The following SCHIP1 variants were observed in gnomAD, a reference collection of about 807,000 sequenced individuals.
SCHIP1 encodes schwannomin interacting protein 1.
A neutral mutation model predicts 29.7 loss-of-function variants in SCHIP1; 8 were observed. That is an observed-to-expected ratio of 0.27 (90% CI 0.16 to 0.49). The LOEUF (loss-of-function observed/expected upper bound fraction) is 0.49, where lower values mean the gene tolerates loss of function less well. SCHIP1 is among the 20% of genes least tolerant of loss of function. SCHIP1 has a pLI of 0.99. For missense variants in SCHIP1, 193 were observed against 294.6 expected (o/e 0.66, Z 2.52); for synonymous variants, 76 against 94.9 (o/e 0.80, Z 1.16).
chr3:159,404,871 A>T, the SCHIP1 span, among the ~76,000 whole-genome samples: 1 of 152,188 alleles, frequency 6.6e-6, no homozygotes, highest in Non-Finnish European at 1.5e-5. Flanking sequence ...TACCAAACAC[A>T]GTCCCAGTGG....
the SCHIP1 span, among the ~76,000 whole-genome samples, chr3:159,473,769 G>A: frequency 6.7e-6 from 1 of 149,388 alleles, no homozygotes; most frequent in African/African-American, 2.5e-5. Context: ...GATGGACAAA[G>A]CATCTAGATT....
At chr3:159,493,452 C>T in the SCHIP1 span, among the ~76,000 whole-genome samples, 12 of 152,184 alleles carry the variant, frequency 7.9e-5, no homozygotes, top group Non-Finnish European at 1.8e-4. Flanking sequence ...GGTTGCAATC[C>T]TAGTCTTGGA....
At chr3:159,337,178 G>T in the SCHIP1 span, among the ~76,000 whole-genome samples, 8 of 151,992 alleles carry the variant, frequency 5.3e-5, no homozygotes, top group Non-Finnish European at 4.4e-5. Context: ...AATAAATTAG[G>T]TATTGATGGG....
chr3:159,856,917 C>G (rs571349269), intron 1 of SCHIP1, among the ~76,000 whole-genome samples: 1 of 152,276 alleles, frequency 6.6e-6, no homozygotes, highest in African/African-American at 2.4e-5. Flanking sequence ...CTGCCCTCCC[C>G]ACACAATTAC....
chr3:159,411,471 C>T, the SCHIP1 span, among the ~76,000 whole-genome samples: 2 of 152,196 alleles, frequency 1.3e-5, no homozygotes, highest in South Asian at 2.1e-4. Context: ...GTGATTTCTA[C>T]CTCAACTGCA....
the SCHIP1 span, among the ~76,000 whole-genome samples, chr3:159,711,018 C>T: frequency 1.3e-5 from 2 of 151,970 alleles, no homozygotes; most frequent in Admixed American, 1.3e-4. Context: ...TGTTGTGTCC[C>T]TATAGAGGTG....
At chr3:159,546,418 GTTTTT>G in the SCHIP1 span, among the ~76,000 whole-genome samples, 5 of 151,918 alleles carry the variant, frequency 3.3e-5, no homozygotes, top group African/African-American at 4.8e-5. Flanking sequence ...AGTTTGCTAA[GTTTTT>G]TTTAAGTTCA....
the SCHIP1 span, among the ~76,000 whole-genome samples, chr3:159,606,316 A>G: frequency 3.3e-5 from 5 of 152,180 alleles, no homozygotes; most frequent in Non-Finnish European, 7.3e-5. Context: ...AAGGAGATGT[A>G]TAATAAAAAA....
chr3:159,815,874 C>G, the SCHIP1 span, among the ~76,000 whole-genome samples: 1 of 152,140 alleles, frequency 6.6e-6, no homozygotes, highest in African/African-American at 2.4e-5. Context: ...CAGATGCCAC[C>G]CCCGTTCTGC....
chr3:159,640,780 A>G, the SCHIP1 span, among the ~76,000 whole-genome samples: 468 of 152,246 alleles, frequency 3.1e-3, 4 homozygotes, highest in African/African-American at 0.011. Flanking sequence ...AGGAAAGCCC[A>G]CACTGCATGC....
At chr3:159,886,642 G>A (rs2109438919) in intron 3 of SCHIP1, 1 of 241,328 alleles carries the variant, frequency 4.1e-6, no homozygotes, top group Non-Finnish European at 8.2e-6. Context: ...TATAGTCCCA[G>A]CTACTCAGGA....
the SCHIP1 span, among the ~76,000 whole-genome samples, chr3:159,613,001 A>G: frequency 6.6e-6 from 1 of 152,230 alleles, no homozygotes; most frequent in African/African-American, 2.4e-5. Flanking sequence ...GTCATTGTAA[A>G]TGGAAAGAGA....
chr3:159,288,585 A>T, the SCHIP1 span, among the ~76,000 whole-genome samples: 2 of 152,170 alleles, frequency 1.3e-5, no homozygotes, highest in Non-Finnish European at 2.9e-5. Flanking sequence ...TAAAAATACA[A>T]TATTAGCTGG....
chr3:159,659,318 G>A, the SCHIP1 span, among the ~76,000 whole-genome samples: 2 of 152,250 alleles, frequency 1.3e-5, no homozygotes, highest in Non-Finnish European at 2.9e-5. Flanking sequence ...CAGAGACCAT[G>A]TCTGCTGTGC....
At chr3:159,329,817 C>T in the SCHIP1 span, among the ~76,000 whole-genome samples, 5 of 151,946 alleles carry the variant, frequency 3.3e-5, no homozygotes, top group South Asian at 1.0e-3. Flanking sequence ...TGAAAACTCT[C>T]AACTAGAACA....
At chr3:159,336,834 T>C in the SCHIP1 span, among the ~76,000 whole-genome samples, 2 of 152,224 alleles carry the variant, frequency 1.3e-5, no homozygotes, top group African/African-American at 4.8e-5. Flanking sequence ...AGGCTCTTTT[T>C]TGATTCCATG....
the SCHIP1 span, among the ~76,000 whole-genome samples, chr3:159,828,443 AT>A: frequency 1.0e-5 from 1 of 100,480 alleles, no homozygotes; most frequent in African/African-American, 4.8e-5. Context: ...ATATATACGT[AT>A]ATATATACGT....
At chr3:159,374,376 TA>T in the SCHIP1 span, among the ~76,000 whole-genome samples, 1 of 151,968 alleles carries the variant, frequency 6.6e-6, no homozygotes, top group East Asian at 1.9e-4. Context: ...AACACTTACT[TA>T]AAAAAAGAAA....
chr3:159,290,929 G>A, the SCHIP1 span, among the ~76,000 whole-genome samples: 1 of 151,914 alleles, frequency 6.6e-6, no homozygotes, highest in East Asian at 1.9e-4. Flanking sequence ...ATATAAAATA[G>A]CAATATAAGC....
Sources: gnomAD v4.1 joint callset for allele counts (sites outside exome capture counted in the v4.1 genomes callset) on GRCh38, gnomAD v4.1.1 for gene constraint, MANE v1.5 for transcripts, NCBI Gene and HGNC (gene_info 2026-07-23, HGNC 2026-07-21) for gene names.